Variants in PRMT9 observed in about 807,000 individuals in gnomAD.
The protein encoded by PRMT9 is protein arginine N-methyltransferase 9.
PRMT9 carries 59 observed loss-of-function variants against 83.2 expected under a neutral mutation model. The ratio of observed to expected loss-of-function variants is 0.71; its 90% CI spans 0.57 to 0.88. PRMT9 has a LOEUF of 0.88. Among genes scored for constraint, PRMT9 ranks in the 40% least tolerant of loss-of-function variants. The pLI is 0.00. For missense variants in PRMT9, 947 were observed against 1,021.9 expected, an observed-to-expected ratio of 0.93 and a Z score of 1.00; for synonymous variants, 333 against 353.2, an observed-to-expected ratio of 0.94 and a Z score of 0.64.
rs1736389344 is a variant in PRMT9 at position 147,680,455 on chromosome 4, G to A, written c.206C>T (p.Thr69Ile). 3.1e-6 allele frequency: 5 copies of A among 1,613,722 alleles called. No individual in the cohort carries two copies. Among genetic ancestry groups the A allele is most frequent in the South Asian group, 2.2e-5 (2 of 91,048 alleles). ...KHDVKETFQY[T>I]LFRWAEELDA... Reference sequence around the variant, plus strand: ...AAGCTCTTCAGCCCATCTGAAAAGTGTGTACTGAAAAGTTTCCTTTACAAA... The same window carrying A: ...AAGCTCTTCAGCCCATCTGAAAAGTATGTACTGAAAAGTTTCCTTTACAAA... The change falls in exon 2 of 12, where the codon ACA (threonine) becomes ATA (isoleucine). Residue 69 changes from threonine (T) to isoleucine (I), a missense_variant. Transcript: ENST00000322396.
At chr4:147,681,176 C>G (rs971193183) in intron 1 of PRMT9, among the ~76,000 whole-genome samples, 1 of 152,200 alleles carries the variant, frequency 6.6e-6, no homozygotes, top group East Asian at 1.9e-4. Context: ...TATAATGGTA[C>G]CTTAACTCCA....
chr4:147,683,718 C>A lies in PRMT9; in HGVS notation c.189+81G>T. On this transcript the variant is annotated intron_variant, in intron 1 of 11. Transcript: ENST00000322396. ...ACCCACCCAGGCACCCTAGCCCCTC[C>A]GCTTTTTTTTTTTTCTGTTTTTTTT... 5.3e-6 allele frequency: 7 copies of A among 1,329,840 alleles called. No homozygotes were observed. The South Asian group carries it at 8.7e-5, about 17-fold the overall frequency. 82.4% of individuals were successfully genotyped at this position (1,329,840 alleles called of 1,614,324 possible).
intron 6 of PRMT9, among the ~76,000 whole-genome samples, chr4:147,667,424 A>C (rs1478769085): frequency 6.6e-6 from 1 of 152,184 alleles, no homozygotes; most frequent in African/African-American, 2.4e-5. Flanking sequence ...TTTTTAAACA[A>C]AATTAAATTT....
chr4:147,654,117 G>C lies in PRMT9; in HGVS notation c.1780C>G (p.Leu594Val), dbSNP rs139425779. The part of the protein sequence containing the change: ...VLDVSEGFSV[L>V]PVIAGTLGQV... ...CCAAGTGTGCCAGCAATAACAGGCA[G>C]AACAGAGAAGCCTTCGGACACATCT... Residue 594 changes from leucine (L) to valine (V), a missense_variant, in exon 9 of 12, where the codon CTG becomes GTG. Coordinates refer to ENST00000322396, the MANE Select transcript of PRMT9 (RefSeq NM_138364.4). The C allele has an allele frequency of 4.8e-4, 773 of 1,614,072 alleles. No homozygotes were observed. Among genetic ancestry groups the C allele is most frequent in the Non-Finnish European group, 6.3e-4 (738 of 1,180,034 alleles).
At chr4:147,657,456 C>T (rs1233518398) in intron 8 of PRMT9, among the ~76,000 whole-genome samples, 3 of 150,766 alleles carry the variant, frequency 2.0e-5, no homozygotes, top group Non-Finnish European at 2.9e-5. Flanking sequence ...ACCCGGGAGG[C>T]GGAGCTTGCA....
intron 4 of PRMT9, chr4:147,671,802 G>A (rs1418931708): frequency 2.2e-6 from 1 of 454,228 alleles, no homozygotes; most frequent in Non-Finnish European, 4.4e-6. Flanking sequence ...TGAGAAAAAG[G>A]TAGATTAAAT....
At position 147,653,832 on chromosome 4, in the gene PRMT9, GTTA is replaced by G. The variant is rs1734286499; in HGVS notation, c.2045+17_2045+19del. 4 of 1,568,030 alleles carry G rather than the reference GTTA, an allele frequency of 2.6e-6. No individual in the cohort carries two copies. The highest frequency in any genetic ancestry group is 3.5e-6 in the Non-Finnish European group (4 of 1,142,678). ...CCTCAAAAAAAAAACAAAGCCAAAAGTTATTATTTTGTGTTTTACCTGGATATT... is the reference window on the plus strand; with the variant it reads ...CCTCAAAAAAAAAACAAAGCCAAAAGTTATTTTGTGTTTTACCTGGATATT... On this transcript the variant is annotated intron_variant, in intron 9 of 11. Transcript: ENST00000322396.
At chr4:147,661,789 C>CA (rs70958573) in intron 6 of PRMT9, among the ~76,000 whole-genome samples, 2,718 of 60,228 alleles carry the variant, frequency 0.045, 357 homozygotes, top group African/African-American at 0.15. Context: ...GACTCCATCT[C>CA]AAAAAAAAAA....
At chr4:147,674,005 A>T (rs1159012331) in intron 2 of PRMT9, 131 bp from the exon 3 acceptor site, 1 of 743,494 alleles carries the variant, frequency 1.3e-6, no homozygotes, top group African/African-American at 1.7e-5. Flanking sequence ...TCCAAGTGCT[A>T]CCTCTTTTGG....
At chr4:147,647,591 C>G (rs1578882303) in intron 9 of PRMT9, among the ~76,000 whole-genome samples, 1 of 151,356 alleles carries the variant, frequency 6.6e-6, no homozygotes, top group East Asian at 1.9e-4. Context: ...GGTACAATCT[C>G]AGCTCACTGC....
At chr4:147,641,951 C>T (rs1172434854) in intron 10 of PRMT9, among the ~76,000 whole-genome samples, 2 of 152,198 alleles carry the variant, frequency 1.3e-5, no homozygotes, top group Non-Finnish European at 2.9e-5. Context: ...GTGTGAGCCA[C>T]CATGCCCAGC....
In PRMT9 at chr4:147,683,810, G is replaced by C; in HGVS notation, c.178C>G (p.His60Asp). 6.3e-7 allele frequency: 1 copy of C among 1,593,806 alleles called. No individual in the cohort carries two copies. Among genetic ancestry groups the C allele is most frequent in the Non-Finnish European group, 8.5e-7 (1 of 1,170,166 alleles). The change falls in exon 1 of 12, where the codon CAC becomes GAC. Residue 60 changes from histidine to aspartate, a missense_variant. Physicochemically the swap from His to Asp is moderately conservative, Grantham distance 81 (BLOSUM62 -1). Transcript: ENST00000322396. Reference protein sequence around the residue: ...LVLSLAPELKHDVKETFQYTL... With the variant: ...LVLSLAPELKDDVKETFQYTL... ...AAAAGGACCCTCACCTTCACGTCGTGTTTCAGCTCCGGCGCCAGGCTGAGC... is the reference window on the plus strand; with the variant it reads ...AAAAGGACCCTCACCTTCACGTCGTCTTTCAGCTCCGGCGCCAGGCTGAGC...
intron 9 of PRMT9, among the ~76,000 whole-genome samples, chr4:147,649,367 C>T (rs1733945298): frequency 6.6e-6 from 1 of 152,174 alleles, no homozygotes; most frequent in African/African-American, 2.4e-5. Context: ...GATTAACTTT[C>T]CAACCCATGA....
At chr4:147,658,061 T>G (rs537933358) in intron 7 of PRMT9, 86 bp from the exon 8 acceptor site, 10 of 928,482 alleles carry the variant, frequency 1.1e-5, no homozygotes, top group Non-Finnish European at 1.7e-5. Context: ...ATCTCTGGAG[T>G]TCTTAGTCCT....
At chr4:147,680,193 G>T in intron 2 of PRMT9, 130 bp downstream of exon 2, 1 of 846,076 alleles carries the variant, frequency 1.2e-6, no homozygotes, top group East Asian at 2.6e-5. Flanking sequence ...TTATATATCT[G>T]CTATTCTTTT....
intron 7 of PRMT9, among the ~76,000 whole-genome samples, chr4:147,659,221 T>C (rs1039971413): frequency 1.4e-5 from 2 of 141,798 alleles, no homozygotes; most frequent in Non-Finnish European, 3.0e-5. Flanking sequence ...GCCAACATGG[T>C]GAAACACCAT....
intron 6 of PRMT9, among the ~76,000 whole-genome samples, chr4:147,665,654 G>C (rs145154305): frequency 1.3e-5 from 2 of 152,092 alleles, no homozygotes; most frequent in African/African-American, 4.8e-5. Context: ...GTTCCTTTTG[G>C]TGAGAAATGG....
chr4:147,670,087 C>A (rs1237029677), intron 5 of PRMT9, among the ~76,000 whole-genome samples: 1 of 152,142 alleles, frequency 6.6e-6, no homozygotes, highest in Non-Finnish European at 1.5e-5. Context: ...TGAATTCTTC[C>A]CTGGAGTATT....
intron 2 of PRMT9, among the ~76,000 whole-genome samples, chr4:147,674,480 G>A (rs1443337052): frequency 6.6e-6 from 1 of 151,852 alleles, no homozygotes; most frequent in Non-Finnish European, 1.5e-5. Flanking sequence ...TTATATGTGA[G>A]CAAATAAAAA....
Sources: allele counts gnomAD v4.1 joint callset (sites outside exome capture counted in the v4.1 genomes callset), GRCh38; gene constraint gnomAD v4.1.1; transcripts MANE v1.5; gene names NCBI Gene and HGNC (gene_info 2026-07-23, HGNC 2026-07-21).